The following SGK1 variants were observed in gnomAD, a reference collection of about 807,000 sequenced individuals.
The protein encoded by SGK1 is serine/threonine-protein kinase Sgk1.
Under a neutral mutation model 64.2 loss-of-function variants are expected in SGK1, and 26 were observed. The ratio of observed to expected loss-of-function variants is 0.40; its 90% CI spans 0.30 to 0.56. SGK1 has a LOEUF of 0.56. SGK1 is among the 20% of genes least tolerant of loss of function. SGK1 has a pLI of 0.38. For synonymous variants in SGK1, 265 were observed against 239.7 expected, an observed-to-expected ratio of 1.11 and a Z score of -0.98; for missense variants, 519 against 645.6, an observed-to-expected ratio of 0.80 and a Z score of 2.12.
rs1212663721 is a variant in SGK1, at chr6:134,268,566, C to CA, written c.70-6419dup. Among the ~76,000 whole-genome samples, 11 of 132,612 alleles carry CA rather than the reference C, an allele frequency of 8.3e-5. 1 individual carries two copies. Among genetic ancestry groups the CA allele is most frequent in the South Asian group, 5.1e-4 (2 of 3,898 alleles). The allele number at this position is 132,612 out of a possible 152,430, so 87.0% of individuals were successfully genotyped here. On this transcript the variant is annotated intron_variant, in intron 1 of 13. Transcript: ENST00000367858. ...TGAAACCCCGTCTCTACTAAAAATA[C>CA]AAAAAAAATTGCCGGGCGTAGTGGA...
intron 3 of SGK1, chr6:134,177,595 C>T: frequency 1.6e-6 from 2 of 1,256,692 alleles, no homozygotes; most frequent in Admixed American, 1.7e-5. Flanking sequence ...ACCTTATGTG[C>T]CTTCCCCATG....
intron 1 of SGK1, among the ~76,000 whole-genome samples, chr6:134,285,477 CA>C (rs778766999): frequency 0.033 from 2,242 of 68,500 alleles, 48 homozygotes; most frequent in African/African-American, 0.11. Context: ...GACTCTGCCT[CA>C]AAAAAAAAAA....
intron 2 of SGK1, among the ~76,000 whole-genome samples, chr6:134,221,237 G>C (rs1163961613): frequency 6.6e-6 from 1 of 152,178 alleles, no homozygotes; most frequent in Non-Finnish European, 1.5e-5. Flanking sequence ...CTGGGAGGTG[G>C]AGGTTGCAGT....
chr6:134,218,178 C>T (rs939767863), intron 2 of SGK1, among the ~76,000 whole-genome samples: 3 of 152,112 alleles, frequency 2.0e-5, no homozygotes, highest in African/African-American at 2.4e-5. Flanking sequence ...CAGAGGGTAA[C>T]GTAACTTGTG....
intron 2 of SGK1, chr6:134,259,751 G>T (rs1776735844): frequency 6.6e-6 from 1 of 152,198 alleles, no homozygotes. Context: ...TAGATAAAAA[G>T]TTGACTCTAT....
chr6:134,178,600 G>A (rs148498523), intron 3 of SGK1, among the ~76,000 whole-genome samples: 16 of 152,294 alleles, frequency 1.1e-4, no homozygotes, highest in African/African-American at 3.8e-4. Flanking sequence ...CATACTCCCT[G>A]GTGGCGAAGT....
intron 2 of SGK1, chr6:134,215,134 C>CTTCCT: frequency 2.6e-6 from 1 of 390,546 alleles, no homozygotes; most frequent in Non-Finnish European, 4.9e-6. Context: ...TTCTTTCTTT[C>CTTCCT]TTTTTTTTTT....
chr6:134,233,537 C>G (rs1776320989), intron 2 of SGK1, among the ~76,000 whole-genome samples: 1 of 152,196 alleles, frequency 6.6e-6, no homozygotes, highest in Non-Finnish European at 1.5e-5. Flanking sequence ...AAGACCAATA[C>G]TGAATATGCC....
intron 1 of SGK1, among the ~76,000 whole-genome samples, chr6:134,295,764 A>C (rs886610895): frequency 1.3e-5 from 2 of 151,822 alleles, no homozygotes; most frequent in African/African-American, 4.8e-5. Flanking sequence ...GAATAGTTGC[A>C]GGAGGCCAGG....
intron 3 of SGK1, among the ~76,000 whole-genome samples, chr6:134,186,738 A>G (rs560127918): frequency 6.6e-6 from 1 of 152,118 alleles, no homozygotes; most frequent in South Asian, 2.1e-4. Flanking sequence ...TTTCTCATTG[A>G]CCTTAATCAC....
intron 3 of SGK1, among the ~76,000 whole-genome samples, chr6:134,183,830 T>C (rs1438360409): frequency 6.6e-6 from 1 of 151,810 alleles, no homozygotes; most frequent in Non-Finnish European, 1.5e-5. Context: ...AGCTGATCCT[T>C]TAGAAGAACC....
intron 2 of SGK1, among the ~76,000 whole-genome samples, chr6:134,221,626 T>C (rs1447238365): frequency 1.3e-5 from 2 of 152,146 alleles, no homozygotes; most frequent in Admixed American, 6.6e-5. Flanking sequence ...ATTTCATGAG[T>C]CCTAAACGGG....
intron 1 of SGK1, among the ~76,000 whole-genome samples, chr6:134,292,459 G>C (rs565245181): frequency 5.1e-4 from 78 of 152,266 alleles, no homozygotes; most frequent in Middle Eastern, 3.4e-3. Context: ...TGGGGGTGGT[G>C]GCTGGCGCCT....
intron 3 of SGK1, among the ~76,000 whole-genome samples, chr6:134,206,594 T>C (rs1775789557): frequency 6.6e-6 from 1 of 151,150 alleles, no homozygotes; most frequent in Non-Finnish European, 1.5e-5. Context: ...AGGCTAGGTA[T>C]GGTGGCTCAC....
intron 1 of SGK1, among the ~76,000 whole-genome samples, chr6:134,310,865 G>A (rs1777598301): frequency 6.6e-6 from 1 of 152,334 alleles, no homozygotes; most frequent in Middle Eastern, 3.4e-3. Context: ...TGGGATTAAA[G>A]GTGTGAGCCA....
intron 1 of SGK1, among the ~76,000 whole-genome samples, chr6:134,305,363 C>CA (rs34637536): frequency 0.11 from 7,325 of 64,152 alleles, 392 homozygotes; most frequent in African/African-American, 0.17. Context: ...TACTTCATCT[C>CA]AAAAAAAAAA....
At chr6:134,230,798 GA>G (rs1776265902) in intron 2 of SGK1, among the ~76,000 whole-genome samples, 1 of 152,166 alleles carries the variant, frequency 6.6e-6, no homozygotes, top group Non-Finnish European at 1.5e-5. Context: ...CAAATCACTT[GA>G]AGTCAGGAGT....
At chr6:134,291,477 T>G (rs1777263690) in intron 1 of SGK1, among the ~76,000 whole-genome samples, 1 of 152,222 alleles carries the variant, frequency 6.6e-6, no homozygotes, top group Non-Finnish European at 1.5e-5. Context: ...AGTCTTCAGT[T>G]GGCATGATAA....
At chr6:134,218,480 C>A (rs191003312) in intron 2 of SGK1, among the ~76,000 whole-genome samples, 71 of 141,006 alleles carry the variant, frequency 5.0e-4, no homozygotes, top group Middle Eastern at 3.9e-3. Flanking sequence ...GTTGCCCAGG[C>A]TGGAGTGCAG....
Sources: allele counts gnomAD v4.1 joint callset (sites outside exome capture counted in the v4.1 genomes callset), GRCh38; gene constraint gnomAD v4.1.1; transcripts MANE v1.5; gene names NCBI Gene and HGNC (gene_info 2026-07-23, HGNC 2026-07-21).